Variants in NELL1 observed in about 807,000 individuals in gnomAD.
The protein encoded by NELL1 is neural EGFL like 1, also known as protein kinase C-binding protein NELL1.
NELL1 carries 76 observed loss-of-function variants against 107.4 expected under a neutral mutation model. The ratio of observed to expected loss-of-function variants is 0.71; its 90% CI spans 0.59 to 0.86. The LOEUF (loss-of-function observed/expected upper bound fraction) is 0.86. NELL1 is among the 40% of genes least tolerant of loss of function. The pLI, the probability that NELL1 is intolerant of heterozygous loss-of-function variation, is 0.00. For missense variants in NELL1, 1,024 were observed against 1,005.5 expected (o/e 1.02, Z -0.25); for synonymous variants, 353 against 341.2 (o/e 1.03, Z -0.38).
At chr11:21,039,098 G>A (rs1488250229) in intron 12 of NELL1, among the ~76,000 whole-genome samples, 1 of 152,164 alleles carries the variant, frequency 6.6e-6, no homozygotes, top group Non-Finnish European at 1.5e-5. Flanking sequence ...GGAGATAAAT[G>A]TAAGGTCAGA....
intron 2 of NELL1, among the ~76,000 whole-genome samples, chr11:20,747,297 G>T (rs1220722958): frequency 1.3e-5 from 2 of 152,204 alleles, no homozygotes; most frequent in Non-Finnish European, 2.9e-5. Flanking sequence ...TGAATCTTTT[G>T]AAATATGCAT....
chr11:21,150,296 T>G (rs1856084841), intron 13 of NELL1, among the ~76,000 whole-genome samples: 1 of 152,142 alleles, frequency 6.6e-6, no homozygotes, highest in East Asian at 1.9e-4. Flanking sequence ...CGTATATTAC[T>G]CAAAGTGCTG....
intron 2 of NELL1, among the ~76,000 whole-genome samples, chr11:20,732,481 G>A (rs1475471398): frequency 2.0e-5 from 3 of 152,164 alleles, no homozygotes; most frequent in Non-Finnish European, 2.9e-5. Flanking sequence ...ACAGATATAT[G>A]TGTAAAGATA....
intron 13 of NELL1, among the ~76,000 whole-genome samples, chr11:21,197,358 C>T (rs747194420): frequency 1.4e-4 from 21 of 149,446 alleles, no homozygotes; most frequent in Non-Finnish European, 2.4e-4. Context: ...CTAGGGAGAA[C>T]AAAATCTTGT....
At chr11:20,884,981 G>A (rs1451349297) in intron 4 of NELL1, among the ~76,000 whole-genome samples, 1 of 152,180 alleles carries the variant, frequency 6.6e-6, no homozygotes. Context: ...GAAATGAGTA[G>A]GACCTAAAGA....
chr11:20,786,371 A>G (rs971790432), intron 3 of NELL1, among the ~76,000 whole-genome samples: 3 of 151,818 alleles, frequency 2.0e-5, no homozygotes, highest in African/African-American at 7.3e-5. Flanking sequence ...AGAAAAAAAA[A>G]GGCGGGGGGA....
chr11:21,053,718 C>CAGATGG (rs1406994782), intron 12 of NELL1, among the ~76,000 whole-genome samples: 2 of 152,150 alleles, frequency 1.3e-5, no homozygotes, highest in Non-Finnish European at 2.9e-5. Flanking sequence ...CAGTCAAAAA[C>CAGATGG]AGATGGAGCT....
In NELL1 at chr11:20,830,417, C is replaced by T. The variant is rs558445553; in HGVS notation, c.336-17166C>T. 4.6e-5 allele frequency among the ~76,000 whole-genome samples: 7 copies of T among 150,552 alleles called. No homozygotes were observed. The East Asian group carries it at 1.4e-3, about 30-fold the overall frequency. The stretch of plus-strand genomic sequence containing the variant: ...GGTCTTCTTTTTGCTCTCTCTTCTG[C>T]CCTCTGCCTCCTGGGTTCAAGCAAC... On this transcript the variant is annotated intron_variant, in intron 3 of 19. Coordinates refer to ENST00000357134, the MANE Select transcript of NELL1 (RefSeq NM_006157.5).
chr11:20,990,064 T>C (rs981403699), intron 12 of NELL1, among the ~76,000 whole-genome samples: 1 of 152,144 alleles, frequency 6.6e-6, no homozygotes, highest in Non-Finnish European at 1.5e-5. Context: ...TAAAGCTCTT[T>C]CTTTTTCCTC....
At chr11:20,809,032 T>C (rs549402635) in intron 3 of NELL1, among the ~76,000 whole-genome samples, 4 of 152,138 alleles carry the variant, frequency 2.6e-5, no homozygotes, top group Admixed American at 1.3e-4. Flanking sequence ...AATTTGGTGT[T>C]ACTGCAGGGA....
intron 13 of NELL1, among the ~76,000 whole-genome samples, chr11:21,154,981 G>A (rs1338805345): frequency 6.6e-6 from 1 of 152,156 alleles, no homozygotes; most frequent in Non-Finnish European, 1.5e-5. Context: ...TTTTTTGTGG[G>A]TGAGGTTAGG....
At chr11:20,795,549 GC>G (rs1351034249) in intron 3 of NELL1, among the ~76,000 whole-genome samples, 2 of 152,134 alleles carry the variant, frequency 1.3e-5, no homozygotes, top group Admixed American at 1.3e-4. Flanking sequence ...AAAATGGAAA[GC>G]TTAATTAATG....
intron 12 of NELL1, among the ~76,000 whole-genome samples, chr11:21,032,342 T>C (rs950074867): frequency 6.6e-6 from 1 of 152,112 alleles, no homozygotes; most frequent in Non-Finnish European, 1.5e-5. Context: ...AAAATCTAAA[T>C]ATATTTTTGT....
intron 13 of NELL1, among the ~76,000 whole-genome samples, chr11:21,161,703 A>T (rs954505912): frequency 6.6e-6 from 1 of 152,048 alleles, no homozygotes; most frequent in Non-Finnish European, 1.5e-5. Context: ...TTTTAATAGT[A>T]CATTTTATTT....
At chr11:21,528,022 T>C (rs1855896957) in intron 15 of NELL1, among the ~76,000 whole-genome samples, 1 of 152,106 alleles carries the variant, frequency 6.6e-6, no homozygotes, top group African/African-American at 2.4e-5. Flanking sequence ...CATCCTTCAG[T>C]CCAATCAAAT....
chr11:20,995,882 A>T (rs1262088607), intron 12 of NELL1, among the ~76,000 whole-genome samples: 1 of 152,188 alleles, frequency 6.6e-6, no homozygotes, highest in East Asian at 1.9e-4. Context: ...TTCAGAGAAA[A>T]GTTAGGTCAC....
chr11:21,568,703 G>A (rs1857028293), intron 17 of NELL1, among the ~76,000 whole-genome samples: 1 of 151,484 alleles, frequency 6.6e-6, no homozygotes, highest in African/African-American at 2.4e-5. Context: ...CACAGGGTCA[G>A]GATTATCAAT....
chr11:20,960,185 A>T (rs1026301502), intron 11 of NELL1, among the ~76,000 whole-genome samples: 6 of 152,198 alleles, frequency 3.9e-5, no homozygotes, highest in African/African-American at 1.4e-4. Flanking sequence ...ATCAGCATGG[A>T]TAAAAGCATT....
At chr11:20,982,052 T>C (rs1373402291) in intron 12 of NELL1, among the ~76,000 whole-genome samples, 1 of 152,128 alleles carries the variant, frequency 6.6e-6, no homozygotes, top group East Asian at 1.9e-4. Flanking sequence ...GCTACCATCA[T>C]CTTGAAGCTT....
Sources: allele counts gnomAD v4.1 joint callset (sites outside exome capture counted in the v4.1 genomes callset), GRCh38; gene constraint gnomAD v4.1.1; transcripts MANE v1.5; gene names NCBI Gene and HGNC (gene_info 2026-07-23, HGNC 2026-07-21).